Variants in SLC2A13 observed in about 807,000 individuals in gnomAD.
SLC2A13 encodes the protein proton myo-inositol cotransporter.
A neutral mutation model predicts 64.4 loss-of-function variants in SLC2A13; 32 were observed. The ratio of observed to expected loss-of-function variants is 0.50; its 90% CI spans 0.37 to 0.67. The LOEUF is 0.67. SLC2A13 is among the 30% of genes least tolerant of loss of function. SLC2A13 has a pLI of 0.00. For missense variants in SLC2A13, 743 were observed against 829.2 expected, an observed-to-expected ratio of 0.90 and a Z score of 1.28; for synonymous variants, 338 against 327.1, an observed-to-expected ratio of 1.03 and a Z score of -0.36.
chr12:39,819,071 A>G (rs1357762645), intron 7 of SLC2A13, among the ~76,000 whole-genome samples: 1 of 152,208 alleles, frequency 6.6e-6, no homozygotes, highest in African/African-American at 2.4e-5. Flanking sequence ...AAAACAGTAT[A>G]GTTATATAAG....
At chr12:40,040,156 A>G (rs1386708222) in intron 2 of SLC2A13, among the ~76,000 whole-genome samples, 2 of 152,238 alleles carry the variant, frequency 1.3e-5, no homozygotes, top group African/African-American at 4.8e-5. Context: ...TCTGAAGATA[A>G]CAGCAAACAA....
chr12:39,782,866 T>C (rs149059912), intron 7 of SLC2A13, among the ~76,000 whole-genome samples: 1 of 152,238 alleles, frequency 6.6e-6, no homozygotes, highest in East Asian at 1.9e-4. Flanking sequence ...ACTCTTGTTA[T>C]TTTTATTATT....
chr12:39,968,945 C>T (rs544899254), intron 3 of SLC2A13, among the ~76,000 whole-genome samples: 1 of 152,116 alleles, frequency 6.6e-6, no homozygotes, highest in Admixed American at 6.6e-5. Context: ...CTTTCCCTCC[C>T]TCCTTCCCCC....
chr12:39,879,422 C>G (rs764485400), intron 4 of SLC2A13, among the ~76,000 whole-genome samples: 10 of 152,240 alleles, frequency 6.6e-5, no homozygotes, highest in South Asian at 2.1e-4. Flanking sequence ...GCCCTGGGGA[C>G]TGAACCCTGC....
At chr12:40,077,484 G>C (rs1344980559) in intron 1 of SLC2A13, among the ~76,000 whole-genome samples, 1 of 152,012 alleles carries the variant, frequency 6.6e-6, no homozygotes, top group Non-Finnish European at 1.5e-5. Flanking sequence ...TTATTTCTGG[G>C]TTCTCTAACC....
intron 7 of SLC2A13, among the ~76,000 whole-genome samples, chr12:39,801,110 G>A (rs1256970802): frequency 3.1e-5 from 2 of 65,330 alleles, no homozygotes; most frequent in African/African-American, 1.2e-4. Flanking sequence ...GTCAGGGGAG[G>A]GGGGAGGGAT....
At chr12:39,818,452 A>T (rs1046192213) in intron 7 of SLC2A13, among the ~76,000 whole-genome samples, 14 of 152,344 alleles carry the variant, frequency 9.2e-5, no homozygotes, top group African/African-American at 2.6e-4. Flanking sequence ...TTACAATAGT[A>T]TCTGAGCTAG....
chr12:39,948,342 T>C (rs1002758568), intron 4 of SLC2A13, among the ~76,000 whole-genome samples: 3 of 152,018 alleles, frequency 2.0e-5, no homozygotes, highest in Non-Finnish European at 4.4e-5. Context: ...ATAAAAGATA[T>C]ATATCTATAT....
In SLC2A13 at chr12:40,037,016, T is replaced by C. The variant is rs572511614; in HGVS notation, c.717-8507A>G. Among the ~76,000 whole-genome samples, 5 of 152,334 alleles carry C rather than the reference T, an allele frequency of 3.3e-5. No individual in the cohort carries two copies. The South Asian group carries it at 8.3e-4, about 25-fold the overall frequency. On this transcript the variant is annotated intron_variant, in intron 2 of 9. Coordinates refer to ENST00000280871, the MANE Select transcript of SLC2A13 (RefSeq NM_052885.4). ...AGATGATCATACAGATTTGCCTCCA[T>C]TGAATAATTTCAATATGGTGACTTG...
rs28370690 is a variant in SLC2A13 at position 39,956,240 on chromosome 12, C to T, written c.926-4875G>A. ...AAATACTGAATTTGTTAAAAACGTT[C>T]CCCCAAAGAAAACTCTAAGTCCAAA... is the stretch of plus-strand genomic sequence containing the variant. On this transcript the variant is annotated intron_variant, in intron 3 of 9. Transcript: ENST00000280871. Among the ~76,000 whole-genome samples, 1,386 of 152,178 alleles carry T rather than the reference C, an allele frequency of 9.1e-3. 28 individuals carry two copies. The highest frequency in any genetic ancestry group is 0.032 in the African/African-American group (1,327 of 41,520).
chr12:39,892,404 T>C (rs2135983067), intron 4 of SLC2A13, among the ~76,000 whole-genome samples: 1 of 152,340 alleles, frequency 6.6e-6, no homozygotes, highest in African/African-American at 2.4e-5. Context: ...GGACCTACTG[T>C]TGGCATGGTA....
Position 39,830,096 on chromosome 12 carries a change from G to T in SLC2A13, c.1445+7C>A. On this transcript the variant is annotated splice_region_variant and intron_variant, in intron 7 of 9. Transcript: ENST00000280871. ...TATATATTCGTATGGTAAAATGAGT[G>T]ATATACCTGCCCCAGGCTGCCTCAT... 1 of 1,613,372 alleles carries T rather than the reference G, an allele frequency of 6.2e-7. No homozygotes were observed. Among genetic ancestry groups the T allele is most frequent in the South Asian group, 1.1e-5 (1 of 91,028 alleles).
At chr12:39,883,239 A>C (rs917289104) in intron 4 of SLC2A13, among the ~76,000 whole-genome samples, 1 of 152,188 alleles carries the variant, frequency 6.6e-6, no homozygotes, top group Non-Finnish European at 1.5e-5. Flanking sequence ...TCCCTGGAGT[A>C]GGATGTAAAG....
intron 5 of SLC2A13, among the ~76,000 whole-genome samples, chr12:39,868,671 G>A (rs1202093167): frequency 1.3e-5 from 2 of 152,072 alleles, no homozygotes; most frequent in Non-Finnish European, 2.9e-5. Flanking sequence ...AATCTTTCTG[G>A]CTTTCTGATT....
intron 5 of SLC2A13, among the ~76,000 whole-genome samples, chr12:39,865,275 T>C (rs1419888237): frequency 6.6e-6 from 1 of 152,210 alleles, no homozygotes; most frequent in Admixed American, 6.5e-5. Flanking sequence ...CCATCAAGTG[T>C]TCCTTTTGGT....
At chr12:40,104,421 T>C (rs530946514) in intron 1 of SLC2A13, among the ~76,000 whole-genome samples, 18 of 152,344 alleles carry the variant, frequency 1.2e-4, no homozygotes, top group Admixed American at 1.1e-3. Flanking sequence ...AGAACCTTAA[T>C]GCCTTCATTT....
intron 3 of SLC2A13, among the ~76,000 whole-genome samples, chr12:39,972,442 A>G (rs1946680196): frequency 6.6e-6 from 1 of 152,198 alleles, no homozygotes. Context: ...AGCAATTAGA[A>G]GAGAACTAAT....
intron 2 of SLC2A13, among the ~76,000 whole-genome samples, chr12:40,038,594 G>A (rs1948028693): frequency 6.6e-6 from 1 of 151,928 alleles, no homozygotes; most frequent in Admixed American, 6.6e-5. Context: ...TAATGGGCAT[G>A]GTGGCATGTA....
intron 7 of SLC2A13, among the ~76,000 whole-genome samples, chr12:39,812,623 C>T (rs187320281): frequency 1.6e-4 from 24 of 151,306 alleles, no homozygotes; most frequent in African/African-American, 4.1e-4. Context: ...CAGGCGCCCA[C>T]GGCTACGCCC....
Sources: gnomAD v4.1 joint callset for allele counts (sites outside exome capture counted in the v4.1 genomes callset) on GRCh38, gnomAD v4.1.1 for gene constraint, MANE v1.5 for transcripts, NCBI Gene and HGNC (gene_info 2026-07-23, HGNC 2026-07-21) for gene names.